The following TTC21B variants were observed in gnomAD, a reference collection of about 807,000 sequenced individuals.
TTC21B encodes the protein tetratricopeptide repeat protein 21B.
TTC21B carries 127 observed loss-of-function variants against 175.1 expected under a neutral mutation model. That is an observed-to-expected ratio of 0.73 (90% confidence interval 0.63 to 0.84). The LOEUF (loss-of-function observed/expected upper bound fraction) is 0.84. TTC21B is among the 40% of genes least tolerant of loss of function. TTC21B has a pLI of 0.00. For synonymous variants in TTC21B, 524 were observed against 524.5 expected, an observed-to-expected ratio of 1.00 and a Z score of 0.01; for missense variants, 1,561 against 1,558.3, an observed-to-expected ratio of 1.00 and a Z score of -0.03.
intron 25 of TTC21B, 91 bp from the exon 26 acceptor site, chr2:165,884,109 G>T: frequency 1.0e-6 from 1 of 991,326 alleles, no homozygotes; most frequent in Non-Finnish European, 1.6e-6. Context: ...ATAAGAACTA[G>T]TTTGTGGATT....
chr2:165,913,543 A>T (rs780300186), intron 16 of TTC21B, 31 bp downstream of exon 16: 2 of 1,481,682 alleles, frequency 1.3e-6, no homozygotes, highest in East Asian at 4.5e-5. Context: ...AATTTTTTAA[A>T]AATGCAGTTC....
chr2:165,928,600 A>C (rs959094734), intron 11 of TTC21B: 13 of 152,924 alleles, frequency 8.5e-5, no homozygotes, highest in African/African-American at 3.1e-4. Context: ...ACTAATTGCC[A>C]ATATCTGAAG....
At chr2:165,902,027 A>C (rs1385589245) in intron 19 of TTC21B, 117 bp from the exon 20 acceptor site, 6 of 905,452 alleles carry the variant, frequency 6.6e-6, no homozygotes, top group Non-Finnish European at 1.0e-5. Flanking sequence ...TTGATCTAAC[A>C]AAGTCTGATC....
chr2:165,932,868 A>G, intron 7 of TTC21B, 105 bp downstream of exon 7: 1 of 988,680 alleles, frequency 1.0e-6, no homozygotes, highest in Non-Finnish European at 1.6e-6. Context: ...ATTTTAAAAG[A>G]GAACTTCAAG....
chr2:165,912,384 T>G, intron 17 of TTC21B, 130 bp downstream of exon 17: 1 of 770,958 alleles, frequency 1.3e-6, no homozygotes, highest in Non-Finnish European at 2.3e-6. Flanking sequence ...TTAACACAAA[T>G]CCCAGTTCAT....
At position 165,912,763 on chromosome 2, in the gene TTC21B, A is replaced by G. The variant is rs575678315; in HGVS notation, c.2212-139T>C. The G allele has an allele frequency of 1.0e-4, 76 of 725,502 alleles. No homozygotes were observed. The South Asian group carries it at 1.1e-3, about 11-fold the overall frequency. The allele number at this position is 725,502 out of a possible 1,614,324, so 44.9% of individuals were successfully genotyped here. On this transcript the variant is annotated intron_variant, in intron 16 of 28. Transcript: ENST00000243344. ...CATATATTAAAGCACAGGAACTTTA[A>G]CAATTTCAAAAAGGTGATAAATGAG...
chr2:165,894,843 C>A (rs1685309184), intron 22 of TTC21B, among the ~76,000 whole-genome samples: 1 of 152,146 alleles, frequency 6.6e-6, no homozygotes, highest in South Asian at 2.1e-4. Context: ...TAATAAAGAA[C>A]ACAAATATGC....
chr2:165,894,198 A>G (rs1685286285), intron 22 of TTC21B, among the ~76,000 whole-genome samples: 1 of 152,152 alleles, frequency 6.6e-6, no homozygotes, highest in Non-Finnish European at 1.5e-5. Context: ...CTGAGGAGAC[A>G]TGTTAACCAA....
At chr2:165,929,845 C>A in intron 9 of TTC21B, 98 bp from the exon 10 acceptor site, 1 of 812,202 alleles carries the variant, frequency 1.2e-6, no homozygotes, top group East Asian at 2.5e-5. Context: ...CCCTTTCCCC[C>A]ATCACAATAC....
At chr2:165,933,430 C>T (rs1368735559) in intron 6 of TTC21B, among the ~76,000 whole-genome samples, 2 of 152,006 alleles carry the variant, frequency 1.3e-5, no homozygotes, top group Non-Finnish European at 2.9e-5. Context: ...CATTACAATA[C>T]CTACTAATGT....
chr2:165,944,403 T>C (rs1436069203), intron 4 of TTC21B, among the ~76,000 whole-genome samples: 1 of 152,210 alleles, frequency 6.6e-6, no homozygotes, highest in African/African-American at 2.4e-5. Context: ...CAACTTGTTA[T>C]CTTTCTAAAC....
At chr2:165,882,319 G>C (rs1684864691) in intron 26 of TTC21B, among the ~76,000 whole-genome samples, 1 of 152,166 alleles carries the variant, frequency 6.6e-6, no homozygotes, top group Non-Finnish European at 1.5e-5. Context: ...TTATTTGCAA[G>C]CTTTAGAAAT....
At chr2:165,875,302 A>G (rs991498085) in intron 28 of TTC21B, among the ~76,000 whole-genome samples, 2 of 151,996 alleles carry the variant, frequency 1.3e-5, no homozygotes, top group African/African-American at 4.8e-5. Context: ...AAATGATCCT[A>G]ATATATAGCC....
At position 165,931,872 on chromosome 2, in the gene TTC21B, C is replaced by A. The variant is rs1383934680; in HGVS notation, c.796-16G>T. ...TGGTGGAAGCCTAAAACAAAAGGAA[C>A]TGGTATTAACTTAAAATATACTAAG... On this transcript the variant is annotated splice_polypyrimidine_tract_variant and intron_variant, in intron 7 of 28. Coordinates refer to ENST00000243344, the MANE Select transcript of TTC21B (RefSeq NM_024753.5). The A allele has an allele frequency of 6.5e-7, 1 of 1,540,798 alleles. No individual in the cohort carries two copies. Among genetic ancestry groups the A allele is most frequent in the Admixed American group, 1.7e-5 (1 of 59,728 alleles).
chr2:165,883,323 TAAAC>T (rs1684895376), intron 26 of TTC21B, among the ~76,000 whole-genome samples: 1 of 152,168 alleles, frequency 6.6e-6, no homozygotes, highest in Non-Finnish European at 1.5e-5. Flanking sequence ...GAATTTTTAT[TAAAC>T]AAATGAAATT....
intron 22 of TTC21B, among the ~76,000 whole-genome samples, chr2:165,893,401 T>C (rs934019229): frequency 1.3e-5 from 2 of 152,136 alleles, no homozygotes; most frequent in South Asian, 2.1e-4. Context: ...ATTATCAACA[T>C]TGGGAAGGCA....
chr2:165,915,129 T>C, intron 15 of TTC21B, 72 bp downstream of exon 15: 1 of 1,279,288 alleles, frequency 7.8e-7, no homozygotes, highest in Non-Finnish European at 1.1e-6. Flanking sequence ...TGAAAGAAAG[T>C]TAAAAAAAAA....
At chr2:165,899,274 T>C (rs1325606248) in intron 21 of TTC21B, among the ~76,000 whole-genome samples, 1 of 152,172 alleles carries the variant, frequency 6.6e-6, no homozygotes, top group African/African-American at 2.4e-5. Flanking sequence ...CCTCACAAAA[T>C]GTCATCTGTG....
intron 19 of TTC21B, among the ~76,000 whole-genome samples, chr2:165,903,619 G>A (rs1685636718): frequency 6.6e-6 from 1 of 152,190 alleles, no homozygotes. Context: ...TCAGCTAAAA[G>A]ATGACAGAGA....
Sources: gnomAD v4.1 joint callset for allele counts (sites outside exome capture counted in the v4.1 genomes callset) on GRCh38, gnomAD v4.1.1 for gene constraint, MANE v1.5 for transcripts, NCBI Gene and HGNC (gene_info 2026-07-23, HGNC 2026-07-21) for gene names.